Variants in PTPN13 observed in about 807,000 individuals in gnomAD.
PTPN13 encodes tyrosine-protein phosphatase non-receptor type 13.
PTPN13 carries 191 observed loss-of-function variants against 284.0 expected under a neutral mutation model. The observed-to-expected ratio is 0.67, with a 90% CI of 0.60 to 0.76. PTPN13 has a LOEUF of 0.76. Ranked by LOEUF, PTPN13 falls within the 30% of genes least tolerant of loss-of-function variation. The probability of loss-of-function intolerance (pLI) is 0.00; values close to 1 mark genes in which losing one functional copy is unlikely to be tolerated. For synonymous variants in PTPN13, 986 were observed against 1,022.3 expected, an observed-to-expected ratio of 0.96 and a Z score of 0.68; for missense variants, 2,797 against 2,939.9, an observed-to-expected ratio of 0.95 and a Z score of 1.12.
At chr4:86,744,937 A>G (rs779554915) in intron 16 of PTPN13, 29 bp from the exon 17 acceptor site, 53 of 1,465,310 alleles carry the variant, frequency 3.6e-5, no homozygotes, top group Non-Finnish European at 4.7e-5. Flanking sequence ...ACTTACTATA[A>G]TTATGAATAC....
At chr4:86,765,298 A>C in intron 25 of PTPN13, 97 bp from the exon 26 acceptor site, 1 of 810,520 alleles carries the variant, frequency 1.2e-6, no homozygotes, top group East Asian at 2.7e-5. Flanking sequence ...ATGGGATGTC[A>C]CTGCTTTGGC....
At chr4:86,706,395 TA>T (rs892674007) in intron 7 of PTPN13, among the ~76,000 whole-genome samples, 2 of 152,132 alleles carry the variant, frequency 1.3e-5, no homozygotes, top group Non-Finnish European at 2.9e-5. Flanking sequence ...AGTCTCTCCT[TA>T]AAAAAATTAT....
At position 86,732,474 on chromosome 4, in the gene PTPN13, TGTAA is replaced by T. The variant is rs1565438942; in HGVS notation, c.1683+5_1683+8del. ...CTTTGGATTTGCCACGGTCTATTCT[TGTAA>T]GTAATAAAACCAATTTGTGTCACTC... is the stretch of plus-strand genomic sequence containing the variant. On this transcript the variant is annotated splice_donor_variant and splice_donor_region_variant and intron_variant, in intron 11 of 47. Transcript: ENST00000411767. LOFTEE classifies it high-confidence loss of function. 6.2e-7 allele frequency: 1 copy of T among 1,600,112 alleles called. No homozygotes were observed. The highest frequency in any genetic ancestry group is 8.5e-7 in the Non-Finnish European group (1 of 1,171,830).
intron 2 of PTPN13, among the ~76,000 whole-genome samples, chr4:86,643,027 C>T (rs930334173): frequency 1.3e-5 from 2 of 151,994 alleles, no homozygotes; most frequent in African/African-American, 4.8e-5. Context: ...ACAGCTCTTT[C>T]GAATCTTGAG....
chr4:86,741,613 G>C (rs747946298), intron 15 of PTPN13, 21 bp from the exon 16 acceptor site: 2 of 1,598,686 alleles, frequency 1.3e-6, no homozygotes, highest in Non-Finnish European at 1.7e-6. Context: ...GTATTGCTAT[G>C]GTATGGTATT....
chr4:86,791,875 T>G (rs4693150), intron 40 of PTPN13, among the ~76,000 whole-genome samples: 20,743 of 151,922 alleles, frequency 0.14, 1,807 homozygotes, highest in East Asian at 0.31. Context: ...AGACCAAAGG[T>G]AGATAAAACC....
intron 3 of PTPN13, among the ~76,000 whole-genome samples, chr4:86,676,302 T>G (rs72872203): frequency 6.6e-6 from 1 of 152,216 alleles, no homozygotes; most frequent in East Asian, 1.9e-4. Context: ...ATGTTGGGCT[T>G]GTAGGGATAC....
intron 2 of PTPN13, among the ~76,000 whole-genome samples, chr4:86,659,130 A>G (rs1357835895): frequency 2.0e-5 from 3 of 152,168 alleles, no homozygotes; most frequent in Non-Finnish European, 2.9e-5. Flanking sequence ...GAAATATCAT[A>G]AACATCATAT....
In PTPN13 at chr4:86,722,331, GC is replaced by G. The variant is rs1323551834; in HGVS notation, c.1507del (p.Leu503TyrfsTer19). The G allele has an allele frequency of 6.2e-7, 1 of 1,613,732 alleles. No homozygotes were observed. The highest frequency in any genetic ancestry group is 8.5e-7 in the Non-Finnish European group (1 of 1,179,790). On this transcript the variant is annotated frameshift_variant, in exon 10 of 48. Coordinates refer to ENST00000411767, the MANE Select transcript of PTPN13 (RefSeq NM_080683.3). LOFTEE classifies it high-confidence loss of function. The part of the protein sequence containing the change: ...AKMALRQSRL[S>X]LYPGDTIKAS... ...ATGGCCCTTAGACAGTCTCGGTTGA[GC>G]CTATATCCAGGAGACACAATCAAAG...
intron 13 of PTPN13, 54 bp downstream of exon 13, chr4:86,734,510 C>T: frequency 1.4e-6 from 2 of 1,402,104 alleles, no homozygotes; most frequent in Non-Finnish European, 1.9e-6. Context: ...TCTTTTGACC[C>T]TTTAGCTTAC....
At chr4:86,800,832 C>T (rs904419096) in intron 42 of PTPN13, among the ~76,000 whole-genome samples, 1 of 152,198 alleles carries the variant, frequency 6.6e-6, no homozygotes, top group African/African-American at 2.4e-5. Context: ...AGCCCTTGCT[C>T]ATCCACCCAG....
intron 24 of PTPN13, 120 bp from the exon 25 acceptor site, chr4:86,764,473 C>T: frequency 1.4e-6 from 1 of 730,440 alleles, no homozygotes; most frequent in Non-Finnish European, 2.0e-6. Flanking sequence ...AGTAATAATT[C>T]ATTTTGATTC....
intron 15 of PTPN13, among the ~76,000 whole-genome samples, chr4:86,741,138 C>T (rs1213409856): frequency 6.6e-6 from 1 of 152,212 alleles, no homozygotes; most frequent in Non-Finnish European, 1.5e-5. Flanking sequence ...CTGTTTCAGC[C>T]TCTGCCTGTT....
chr4:86,812,358 A>T (rs957794897), intron 47 of PTPN13, among the ~76,000 whole-genome samples: 10 of 151,440 alleles, frequency 6.6e-5, no homozygotes, highest in African/African-American at 2.4e-4. Context: ...TGCCTGGAGC[A>T]CATCAGTGAA....
intron 7 of PTPN13, among the ~76,000 whole-genome samples, chr4:86,712,205 G>T (rs1421890010): frequency 6.6e-6 from 1 of 151,942 alleles, no homozygotes; most frequent in Non-Finnish European, 1.5e-5. Context: ...ATGTTTGTGT[G>T]TCTGAATCCT....
intron 7 of PTPN13, among the ~76,000 whole-genome samples, chr4:86,707,635 T>G (rs925457902): frequency 6.6e-6 from 1 of 151,836 alleles, no homozygotes; most frequent in African/African-American, 2.4e-5. Flanking sequence ...TTTATGGAGA[T>G]ATATATATTT....
intron 30 of PTPN13, 40 bp from the exon 31 acceptor site, chr4:86,771,131 A>G (rs941433771): frequency 3.3e-6 from 5 of 1,514,882 alleles, no homozygotes; most frequent in East Asian, 2.3e-5. Context: ...TCTAAAATTC[A>G]TAGAATGGTC....
At chr4:86,811,713 A>G (rs1745232873) in intron 47 of PTPN13, among the ~76,000 whole-genome samples, 2 of 152,228 alleles carry the variant, frequency 1.3e-5, no homozygotes, top group Non-Finnish European at 2.9e-5. Flanking sequence ...GAGTTCCACA[A>G]TCCTCTTTGT....
chr4:86,661,010 G>A, intron 2 of PTPN13: 1 of 394,092 alleles, frequency 2.5e-6, no homozygotes. Context: ...TATTGTTGAG[G>A]TATAACATAT....
Sources: gnomAD v4.1 joint callset for allele counts (sites outside exome capture counted in the v4.1 genomes callset) on GRCh38, gnomAD v4.1.1 for gene constraint, MANE v1.5 for transcripts, NCBI Gene and HGNC (gene_info 2026-07-23, HGNC 2026-07-21) for gene names.